The following SPAG16 variants were observed in gnomAD, a reference collection of about 807,000 sequenced individuals.
SPAG16 encodes sperm associated antigen 16.
SPAG16 carries 86 observed loss-of-function variants against 80.4 expected under a neutral mutation model. That is an observed-to-expected ratio of 1.07 (90% CI 0.90 to 1.28). The LOEUF (loss-of-function observed/expected upper bound fraction) is 1.28, where lower values mean the gene tolerates loss of function less well. SPAG16 is among the 50% of genes most tolerant of loss of function. The probability of loss-of-function intolerance (pLI) is 0.00; values close to 1 mark genes in which losing one functional copy is unlikely to be tolerated. For missense variants in SPAG16, 870 were observed against 765.3 expected (o/e 1.14, Z -1.61); for synonymous variants, 294 against 265.9 (o/e 1.11, Z -1.03).
chr2:213,361,469 C>G (rs2065974502), intron 7 of SPAG16, among the ~76,000 whole-genome samples: 1 of 151,002 alleles, frequency 6.6e-6, no homozygotes, highest in Non-Finnish European at 1.5e-5. Flanking sequence ...AGTAGTGACA[C>G]TCCACCAGTA....
chr2:213,860,384 TAA>T (rs1296764609), intron 10 of SPAG16, among the ~76,000 whole-genome samples: 4 of 124,270 alleles, frequency 3.2e-5, no homozygotes, highest in African/African-American at 8.1e-5. Context: ...TGTATATCTA[TAA>T]ATAGACAGAT....
chr2:214,175,895 T>C (rs2057064751), intron 15 of SPAG16, among the ~76,000 whole-genome samples: 1 of 151,432 alleles, frequency 6.6e-6, no homozygotes, highest in African/African-American at 2.4e-5. Flanking sequence ...GAGAGTACTT[T>C]GTCATATGAG....
intron 15 of SPAG16, among the ~76,000 whole-genome samples, chr2:214,319,708 C>T (rs528850085): frequency 6.6e-6 from 1 of 152,196 alleles, no homozygotes; most frequent in South Asian, 2.1e-4. Flanking sequence ...GCATTCTTCT[C>T]TTCCTCACAT....
intron 12 of SPAG16, among the ~76,000 whole-genome samples, chr2:213,955,460 G>T (rs1482109425): frequency 6.6e-6 from 1 of 152,140 alleles, no homozygotes; most frequent in East Asian, 1.9e-4. Flanking sequence ...TCCTTGACTT[G>T]TTGGGGTACG....
chr2:214,328,035 C>A (rs1696618869), intron 15 of SPAG16, among the ~76,000 whole-genome samples: 3 of 151,974 alleles, frequency 2.0e-5, no homozygotes, highest in African/African-American at 7.3e-5. Flanking sequence ...ATGATAGGAT[C>A]CAGTTTATAA....
chr2:214,149,137 A>C lies in SPAG16; in HGVS notation c.1594-3A>C. The C allele has an allele frequency of 6.6e-7, 1 of 1,515,908 alleles. No individual in the cohort carries two copies. Among genetic ancestry groups the C allele is most frequent in the Non-Finnish European group, 8.8e-7 (1 of 1,132,850 alleles). 93.9% of individuals were successfully genotyped at this position (1,515,908 alleles called of 1,614,324 possible). On this transcript the variant is annotated splice_region_variant and splice_polypyrimidine_tract_variant and intron_variant, in intron 14 of 15. Coordinates refer to ENST00000331683, the MANE Select transcript of SPAG16 (RefSeq NM_024532.5). Reference sequence around the variant, plus strand: ...TTATTTTTGTTTATCTTATATTTTGAAGGGTCACATGATAGCATCCTGTGA... The same window carrying C: ...TTATTTTTGTTTATCTTATATTTTGCAGGGTCACATGATAGCATCCTGTGA...
rs1309527675 is a variant in SPAG16 at position 213,407,627 on chromosome 2, G to C, written c.942+32508G>C. Among the ~76,000 whole-genome samples the C allele has an allele frequency of 2.3e-3, 326 of 142,874 alleles. 5 individuals carry two copies. The highest frequency in any genetic ancestry group is 7.9e-3 in the Middle Eastern group (2 of 254). The allele number at this position is 142,874 out of a possible 152,430, so 93.7% of individuals were successfully genotyped here. A position where few individuals can be genotyped will look rare whatever the true frequency, so the allele number is the denominator to read the frequency against. On this transcript the variant is annotated intron_variant, in intron 9 of 15. Transcript: ENST00000331683. ...AGAGAGAGAGAGAGAGAGAGAGAGAGAGAGAGAGAGAGACAGACAGACAGG... is the reference window on the plus strand; with the variant it reads ...AGAGAGAGAGAGAGAGAGAGAGAGACAGAGAGAGAGAGACAGACAGACAGG...
intron 15 of SPAG16, among the ~76,000 whole-genome samples, chr2:214,176,580 C>A (rs2057088543): frequency 6.6e-6 from 1 of 151,262 alleles, no homozygotes; most frequent in Admixed American, 6.6e-5. Context: ...TAAAGGTAAG[C>A]TAACAAAAAG....
In SPAG16 at chr2:213,454,292, G is replaced by A. The variant is rs114451377; in HGVS notation, c.943-35671G>A. Among the ~76,000 whole-genome samples the A allele has an allele frequency of 9.8e-3, 1,483 of 152,098 alleles. 27 individuals are homozygous for A. Among genetic ancestry groups the A allele is most frequent in the African/African-American group, 0.034 (1,396 of 41,494 alleles). On this transcript the variant is annotated intron_variant, in intron 9 of 15. Transcript: ENST00000331683. ...AAACTATGGATCATATCTTAAGAAA[G>A]CAGTGTATATTTCTTACCCAAATTC...
At chr2:213,778,014 A>G (rs1000297885) in intron 10 of SPAG16, among the ~76,000 whole-genome samples, 1 of 152,136 alleles carries the variant, frequency 6.6e-6, no homozygotes, top group African/African-American at 2.4e-5. Context: ...TTTCTTAGGA[A>G]AGGTGCTAGA....
chr2:213,398,290 A>T (rs984751319), intron 9 of SPAG16, among the ~76,000 whole-genome samples: 9 of 151,982 alleles, frequency 5.9e-5, no homozygotes, highest in African/African-American at 2.2e-4. Flanking sequence ...TCATCTTCTT[A>T]AAACATAAGT....
chr2:213,806,303 T>C (rs1341692899), intron 10 of SPAG16, among the ~76,000 whole-genome samples: 1 of 152,214 alleles, frequency 6.6e-6, no homozygotes, highest in African/African-American at 2.4e-5. Context: ...AATATAACTT[T>C]TAATTCTGCC....
At chr2:214,040,957 G>A (rs374856975) in intron 13 of SPAG16, among the ~76,000 whole-genome samples, 1 of 151,752 alleles carries the variant, frequency 6.6e-6, no homozygotes, top group Non-Finnish European at 1.5e-5. Flanking sequence ...TATATTCCTT[G>A]GAGACTCCAG....
At chr2:213,624,234 G>A (rs2061881993) in intron 10 of SPAG16, among the ~76,000 whole-genome samples, 1 of 121,022 alleles carries the variant, frequency 8.3e-6, no homozygotes, top group Admixed American at 8.0e-5. Context: ...AATATCAATG[G>A]TTGAAGATCA....
intron 12 of SPAG16, among the ~76,000 whole-genome samples, chr2:213,951,448 A>G (rs1166143110): frequency 1.3e-5 from 2 of 152,180 alleles, no homozygotes; most frequent in East Asian, 3.8e-4. Context: ...CAAGATCAAG[A>G]CAACAACATA....
chr2:213,860,429 CTATATATT>C (rs2075383801), intron 10 of SPAG16, among the ~76,000 whole-genome samples: 1 of 27,050 alleles, frequency 3.7e-5, no homozygotes, highest in Non-Finnish European at 9.9e-5. Context: ...GTGTGTATAT[CTATATATT>C]TATAGATATA....
intron 10 of SPAG16, among the ~76,000 whole-genome samples, chr2:213,651,660 C>T (rs1031938623): frequency 6.6e-6 from 1 of 152,124 alleles, no homozygotes; most frequent in African/African-American, 2.4e-5. Context: ...GAAAATGTCT[C>T]TGTGGTTCAC....
rs1044253285 is a variant in SPAG16 at position 213,728,721 on chromosome 2, C to T, written c.1071-133764C>T. ...TGAAACCCTGTCTCTACTAAAAATA[C>T]GAAAAATTAGCCGGGCGTGGTGGTG... On this transcript the variant is annotated intron_variant, in intron 10 of 15. Transcript: ENST00000331683. Among the ~76,000 whole-genome samples the T allele has an allele frequency of 4.6e-5, 7 of 151,238 alleles. No homozygotes were observed. The South Asian group carries it at 6.3e-4, about 14-fold the overall frequency.
chr2:214,001,574 A>C (rs181236761), intron 12 of SPAG16, among the ~76,000 whole-genome samples: 1 of 152,186 alleles, frequency 6.6e-6, no homozygotes, highest in South Asian at 2.1e-4. Flanking sequence ...AACCCAAACC[A>C]AGAGAATCAC....
Sources: allele counts gnomAD v4.1 joint callset (sites outside exome capture counted in the v4.1 genomes callset), GRCh38; gene constraint gnomAD v4.1.1; transcripts MANE v1.5; gene names NCBI Gene and HGNC (gene_info 2026-07-23, HGNC 2026-07-21).